RBM39: variants seen among roughly 807,000 people sequenced by gnomAD.
The protein encoded by RBM39 is RNA-binding protein 39.
A neutral mutation model predicts 79.6 loss-of-function variants in RBM39; 12 were observed. The ratio of observed to expected loss-of-function variants is 0.15; its 90% CI spans 0.10 to 0.24. The LOEUF (loss-of-function observed/expected upper bound fraction) is 0.24. RBM39 is among the 10% of genes least tolerant of loss of function. The pLI is 1.00. For synonymous variants in RBM39, 185 were observed against 208.4 expected (o/e 0.89, Z 0.97); for missense variants, 243 against 653.4 (o/e 0.37, Z 6.85).
chr20:35,729,478 G>T lies in RBM39; in HGVS notation c.346C>A (p.His116Asn). The T allele has an allele frequency of 6.2e-7, 1 of 1,613,850 alleles. No homozygotes were observed. The highest frequency in any genetic ancestry group is 2.2e-5 in the East Asian group (1 of 44,878). ...TTTAAAAACCTTAATTTGATGCTATGAGGCAACCCAATCTTTCCTCGGATG... is the reference window on the plus strand; with the variant it reads ...TTTAAAAACCTTAATTTGATGCTATTAGGCAACCCAATCTTTCCTCGGATG... The part of the protein sequence containing the change: ...SAIRGKIGLP[H>N]SIKLSRRRSR... The change falls in exon 5 of 17, where the codon CAT becomes AAT. Residue 116 changes from histidine to asparagine, a missense_variant. By Grantham distance (68) the His-to-Asn change is moderately conservative. Transcript: ENST00000253363.
intron 3 of RBM39, among the ~76,000 whole-genome samples, chr20:35,733,228 G>A (rs1030137556): frequency 4.6e-5 from 7 of 151,242 alleles, no homozygotes; most frequent in East Asian, 1.9e-4. Context: ...GCTTGAACCC[G>A]GGAGGTGGAG....
chr20:35,706,502 T>C (rs1433702277), intron 14 of RBM39, among the ~76,000 whole-genome samples: 1 of 152,170 alleles, frequency 6.6e-6, no homozygotes, highest in Admixed American at 6.6e-5. Context: ...ATGTAACTTA[T>C]TGAAATCGAA....
At chr20:35,721,970 G>A in intron 8 of RBM39, 93 bp from the exon 9 acceptor site, 1 of 1,429,044 alleles carries the variant, frequency 7.0e-7, no homozygotes, top group Non-Finnish European at 9.6e-7. Flanking sequence ...TTAAAGTTTA[G>A]AGTGATAAAA....
chr20:35,710,622 A>C (rs905773873), intron 12 of RBM39: 6 of 152,174 alleles, frequency 3.9e-5, no homozygotes, highest in Admixed American at 3.3e-4. Context: ...TATAGTGATG[A>C]CCCATCCCTA....
rs531666510 is a variant in RBM39 at position 35,740,906 on chromosome 20, A to C, written c.-13-19T>G. 1 of 1,562,646 alleles carries C rather than the reference A, an allele frequency of 6.4e-7. No individual in the cohort carries two copies. The highest frequency in any genetic ancestry group is 8.8e-7 in the Non-Finnish European group (1 of 1,139,944). ...TAAACGCCTAGGAAGAGAACAAGAC[A>C]ATTTCTTGAGTAAACATTTCTCTTA... On this transcript the variant is annotated intron_variant, in intron 1 of 16. Coordinates refer to ENST00000253363, the MANE Select transcript of RBM39 (RefSeq NM_184234.3).
At chr20:35,713,146 G>A (rs375106539) in intron 11 of RBM39, 50 bp from the exon 12 acceptor site, 110 of 1,483,142 alleles carry the variant, frequency 7.4e-5, no homozygotes, top group Non-Finnish European at 9.5e-5. Flanking sequence ...GCAGAGAAAC[G>A]AAGTTTCCTG....
chr20:35,721,618 A>T lies in RBM39; in HGVS notation c.825+122T>A, dbSNP rs2037951236. 17 of 1,160,638 alleles carry T rather than the reference A, an allele frequency of 1.5e-5. No homozygotes were observed. In the South Asian group the frequency reaches 2.9e-4, roughly 20 times the overall value. 71.9% of individuals were successfully genotyped at this position (1,160,638 alleles called of 1,614,324 possible). A position where few individuals can be genotyped will look rare whatever the true frequency, so the allele number is the denominator to read the frequency against. On this transcript the variant is annotated intron_variant, in intron 9 of 16. Coordinates refer to ENST00000253363, the MANE Select transcript of RBM39 (RefSeq NM_184234.3). ...TATGTTGTCACAGAAATTTTTATAAAACCAGCCCTTATCCTCTTAATATTA... is the reference window on the plus strand; with the variant it reads ...TATGTTGTCACAGAAATTTTTATAATACCAGCCCTTATCCTCTTAATATTA...
chr20:35,734,189 C>CTG (rs1235766277), intron 3 of RBM39: 1 of 1,301,242 alleles, frequency 7.7e-7, no homozygotes, highest in Admixed American at 2.3e-5. Context: ...CACCCACCTT[C>CTG]TGGAATCTTG....
At chr20:35,706,240 G>A (rs1473097582) in intron 14 of RBM39, among the ~76,000 whole-genome samples, 1 of 152,186 alleles carries the variant, frequency 6.6e-6, no homozygotes, top group Non-Finnish European at 1.5e-5. Context: ...CGAAAGGCAT[G>A]AGAACTGCTT....
chr20:35,701,625 G>A lies in RBM39; in HGVS notation c.*2856C>T, dbSNP rs1237241002. ...AAACTTAAGCCGGGTGTGTTGACAC[G>A]CGCCTGTATTCCCAGCTACTCGGGA... On this transcript the variant is annotated 3_prime_UTR_variant, in exon 17 of 17. Coordinates refer to ENST00000253363, the MANE Select transcript of RBM39 (RefSeq NM_184234.3). 6.6e-6 allele frequency: 1 copy of A among 152,074 alleles called. No homozygotes were observed. Among genetic ancestry groups the A allele is most frequent in the African/African-American group, 2.4e-5 (1 of 41,396 alleles). The allele number at this position is 152,074 out of a possible 1,614,324, so 9.4% of individuals were successfully genotyped here.
chr20:35,710,092 C>A (rs2036217879), intron 12 of RBM39, among the ~76,000 whole-genome samples: 1 of 152,124 alleles, frequency 6.6e-6, no homozygotes, highest in Admixed American at 6.6e-5. Flanking sequence ...AGTAAGTCTG[C>A]CACAGTGCTA....
chr20:35,717,581 T>C (rs2037307257), intron 9 of RBM39, among the ~76,000 whole-genome samples: 1 of 152,204 alleles, frequency 6.6e-6, no homozygotes, highest in African/African-American at 2.4e-5. Context: ...TGGCAATAAC[T>C]GCACAATTCT....
chr20:35,709,037 C>A, intron 13 of RBM39, 187 bp downstream of exon 13: 3 of 452,222 alleles, frequency 6.6e-6, no homozygotes, highest in Non-Finnish European at 7.7e-6. Context: ...TTTTTTAAGT[C>A]CATTAATTTG....
At chr20:35,717,339 T>C (rs565219444) in intron 9 of RBM39, among the ~76,000 whole-genome samples, 2 of 148,076 alleles carry the variant, frequency 1.4e-5, no homozygotes, top group East Asian at 3.9e-4. Flanking sequence ...AAGCGAGAAA[T>C]TATGCACTGG....
In RBM39 at chr20:35,701,367, C is replaced by T. The variant is rs1442945770; in HGVS notation, c.*3114G>A. 3.1e-5 allele frequency: 5 copies of T among 159,148 alleles called. No homozygotes were observed. The highest frequency in any genetic ancestry group is 1.8e-4 in the South Asian group (1 of 5,700). 9.9% of individuals were successfully genotyped at this position (159,148 alleles called of 1,614,324 possible). A position where few individuals can be genotyped will look rare whatever the true frequency, so the allele number is the denominator to read the frequency against. On this transcript the variant is annotated 3_prime_UTR_variant, in exon 17 of 17. Coordinates refer to ENST00000253363, the MANE Select transcript of RBM39 (RefSeq NM_184234.3). The stretch of plus-strand genomic sequence containing the variant: ...GTGCAGTGGCACGATCTCGGCTTAC[C>T]GCAACTTCTGCCTCCTGTGTTCAAG...
rs200469448 is a variant in RBM39 at position 35,729,853 on chromosome 20, A to ACAC, written c.297-327_297-326insGTG. On this transcript the variant is annotated intron_variant, in intron 4 of 16. Coordinates refer to ENST00000253363, the MANE Select transcript of RBM39 (RefSeq NM_184234.3). The stretch of plus-strand genomic sequence containing the variant: ...TACAGTCTTGAGAATTAAAAAAAAA[A>ACAC]AAACACACACACACATATATAAAAA... Among the ~76,000 whole-genome samples the ACAC allele has an allele frequency of 2.6e-4, 40 of 151,556 alleles. 1 individual carries two copies. The highest frequency in any genetic ancestry group is 2.1e-4 in the South Asian group (1 of 4,816).
intron 12 of RBM39, among the ~76,000 whole-genome samples, chr20:35,712,638 TTAC>T (rs11470473): frequency 0.011 from 1,605 of 152,184 alleles, 29 homozygotes; most frequent in African/African-American, 0.037. Flanking sequence ...CTCAACACTC[TTAC>T]TACTACAATA....
intron 4 of RBM39, 181 bp downstream of exon 4, chr20:35,731,760 T>G (rs1463989641): frequency 3.1e-6 from 2 of 652,070 alleles, no homozygotes; most frequent in African/African-American, 3.6e-5. Flanking sequence ...AAATTTTTAC[T>G]TATTTGTCTA....
At chr20:35,719,825 C>A (rs772218863) in intron 9 of RBM39, among the ~76,000 whole-genome samples, 12 of 152,122 alleles carry the variant, frequency 7.9e-5, no homozygotes, top group Non-Finnish European at 1.6e-4. Context: ...CGGAGACACT[C>A]TGGCTCTGTT....
Sources: gnomAD v4.1 joint callset for allele counts (sites outside exome capture counted in the v4.1 genomes callset) on GRCh38, gnomAD v4.1.1 for gene constraint, MANE v1.5 for transcripts, NCBI Gene and HGNC (gene_info 2026-07-23, HGNC 2026-07-21) for gene names.